CEP112: variants seen among roughly 807,000 people sequenced by gnomAD.
CEP112 encodes the protein centrosomal protein of 112 kDa.
CEP112 carries 127 observed loss-of-function variants against 153.0 expected under a neutral mutation model. The ratio of observed to expected loss-of-function variants is 0.83; its 90% CI spans 0.72 to 0.96. The LOEUF (loss-of-function observed/expected upper bound fraction) is 0.96. CEP112 is among the 40% of genes least tolerant of loss of function. The probability of loss-of-function intolerance (pLI) is 0.00; values close to 1 mark genes in which losing one functional copy is unlikely to be tolerated. For missense variants in CEP112, 1,089 were observed against 1,101.2 expected, an observed-to-expected ratio of 0.99 and a Z score of 0.16; for synonymous variants, 358 against 374.4, an observed-to-expected ratio of 0.96 and a Z score of 0.51.
At chr17:65,682,452 C>T (rs1168561867) in intron 24 of CEP112, among the ~76,000 whole-genome samples, 4 of 152,142 alleles carry the variant, frequency 2.6e-5, no homozygotes, top group Non-Finnish European at 5.9e-5. Context: ...TTCATCTTCC[C>T]TGCTGGACTA....
chr17:65,989,958 A>T (rs2063538297), intron 17 of CEP112, among the ~76,000 whole-genome samples: 1 of 151,948 alleles, frequency 6.6e-6, no homozygotes, highest in African/African-American at 2.4e-5. Flanking sequence ...TCTCTTTAAA[A>T]TAACTTGTTA....
In CEP112 at chr17:66,181,048, A is replaced by G. The variant is rs557844633; in HGVS notation, c.106+2146T>C. 3.9e-5 allele frequency among the ~76,000 whole-genome samples: 6 copies of G among 152,310 alleles called. No homozygotes were observed. The South Asian group carries it at 1.2e-3, about 32-fold the overall frequency. ...ATAAACTTAAGTAAATAGTTTTTCA[A>G]TCTACATACTTTCCACATCCCATAG... is the stretch of plus-strand genomic sequence containing the variant. On this transcript the variant is annotated intron_variant, in intron 2 of 26. Coordinates refer to ENST00000535342, the MANE Select transcript of CEP112 (RefSeq NM_001199165.4).
rs1422629645 is a variant in CEP112, at chr17:66,096,328, T to C, written c.691A>G (p.Met231Val). ...TTTCTCAGGCTGAATTTCGGTGTCA[T>C]CTGCTAAATGAACAGGAGTTATTTA... ...LRQKPIPVSL[M>V]TPKFSLRKSS... The change falls in exon 8 of 27, where the codon ATG (methionine) becomes GTG (valine). Residue 231 changes from methionine to valine, a missense_variant and splice_region_variant. Transcript: ENST00000535342. The C allele has an allele frequency of 6.2e-7, 1 of 1,612,560 alleles. No individual in the cohort carries two copies. The highest frequency in any genetic ancestry group is 8.5e-7 in the Non-Finnish European group (1 of 1,179,024).
intron 18 of CEP112, among the ~76,000 whole-genome samples, chr17:65,958,194 C>T (rs1370927448): frequency 1.3e-5 from 2 of 152,050 alleles, no homozygotes; most frequent in Non-Finnish European, 2.9e-5. Context: ...TGGATTGGTT[C>T]ATGTATTCAT....
intron 24 of CEP112, chr17:65,654,886 C>T (rs779933447): frequency 1.5e-5 from 8 of 524,808 alleles, no homozygotes; most frequent in Non-Finnish European, 2.6e-5. Flanking sequence ...TCACTGGGGT[C>T]GTACCATGGC....
At chr17:65,889,062 C>CA (rs775484772) in intron 20 of CEP112, among the ~76,000 whole-genome samples, 18 of 152,110 alleles carry the variant, frequency 1.2e-4, no homozygotes, top group Non-Finnish European at 2.1e-4. Flanking sequence ...TCTCTGTGGA[C>CA]ATGAAACCTT....
chr17:65,856,135 C>T (rs1033054657), intron 20 of CEP112, among the ~76,000 whole-genome samples: 1 of 152,002 alleles, frequency 6.6e-6, no homozygotes, highest in Non-Finnish European at 1.5e-5. Flanking sequence ...GAAGAAGTTA[C>T]AGACATGAAG....
At chr17:65,923,801 T>C (rs1215215760) in intron 19 of CEP112, among the ~76,000 whole-genome samples, 1 of 152,178 alleles carries the variant, frequency 6.6e-6, no homozygotes, top group Non-Finnish European at 1.5e-5. Flanking sequence ...CATATCTAAC[T>C]TTGAGACACA....
At chr17:66,155,239 G>C (rs1424237603) in intron 4 of CEP112, among the ~76,000 whole-genome samples, 1 of 152,156 alleles carries the variant, frequency 6.6e-6, no homozygotes, top group Non-Finnish European at 1.5e-5. Flanking sequence ...GCCCACAGAG[G>C]GCGAGCCGAA....
chr17:65,797,489 A>T (rs778785094), intron 21 of CEP112, among the ~76,000 whole-genome samples: 4 of 152,094 alleles, frequency 2.6e-5, no homozygotes, highest in Non-Finnish European at 5.9e-5. Context: ...TGTCATACCT[A>T]CCTCACTAGC....
intron 23 of CEP112, among the ~76,000 whole-genome samples, chr17:65,722,143 G>A (rs2049922253): frequency 6.6e-6 from 1 of 152,204 alleles, no homozygotes. Flanking sequence ...GCTAAGAGCT[G>A]CCTAAAAAGA....
At chr17:65,850,217 G>A (rs954786992) in intron 21 of CEP112, among the ~76,000 whole-genome samples, 9 of 148,764 alleles carry the variant, frequency 6.0e-5, no homozygotes, top group African/African-American at 1.0e-4. Context: ...TTTTAGCATC[G>A]AGACATTATT....
At chr17:65,937,601 C>A (rs1440336261) in intron 18 of CEP112, among the ~76,000 whole-genome samples, 21 of 100,236 alleles carry the variant, frequency 2.1e-4, no homozygotes, top group South Asian at 1.2e-3. Context: ...CCAGCCGCCC[C>A]GTCCGGGAGG....
chr17:66,079,070 C>T (rs551042984), intron 8 of CEP112, among the ~76,000 whole-genome samples: 2 of 152,174 alleles, frequency 1.3e-5, no homozygotes, highest in Admixed American at 6.5e-5. Flanking sequence ...TGCAATTTCA[C>T]ACCAGTAAGA....
intron 21 of CEP112, among the ~76,000 whole-genome samples, chr17:65,787,397 C>T (rs2054339398): frequency 6.6e-6 from 1 of 152,156 alleles, no homozygotes; most frequent in African/African-American, 2.4e-5. Context: ...GTGGGAAGAT[C>T]ACTTAAGCCC....
intron 6 of CEP112, among the ~76,000 whole-genome samples, chr17:66,099,190 C>G (rs2068462125): frequency 6.6e-6 from 1 of 152,094 alleles, no homozygotes; most frequent in Non-Finnish European, 1.5e-5. Flanking sequence ...AGAAACAAGA[C>G]AGAATCAAAG....
At chr17:65,861,514 A>T (rs2058308032) in intron 20 of CEP112, among the ~76,000 whole-genome samples, 1 of 152,238 alleles carries the variant, frequency 6.6e-6, no homozygotes, top group African/African-American at 2.4e-5. Flanking sequence ...TAACTTACAA[A>T]AGAATATTAT....
chr17:65,740,147 A>G (rs60940276), intron 23 of CEP112, among the ~76,000 whole-genome samples: 2,095 of 152,290 alleles, frequency 0.014, 54 homozygotes, highest in African/African-American at 0.048. Context: ...GAAAAATATC[A>G]TGTGAACATT....
At position 66,176,974 on chromosome 17, in the gene CEP112, T is replaced by G. The variant is rs550740654; in HGVS notation, c.153A>C (p.Ser51=). ...TCCCCATTATTCCTGCACCTGTTCC[T>G]GAAGGTTCGCACAGCTTTCTAATCC... ...ALWIRKLCEP[S]GTGAGIMGRK... is the part of the protein sequence containing the mutation. The change falls in exon 3 of 27, where the codon TCA becomes TCC. Residue 51 remains serine, a synonymous_variant. Coordinates refer to ENST00000535342, the MANE Select transcript of CEP112 (RefSeq NM_001199165.4). The G allele has an allele frequency of 4.5e-5, 72 of 1,613,736 alleles. 1 individual carries two copies. In the South Asian group the frequency reaches 7.9e-4, roughly 18 times the overall value.
Sources: gnomAD v4.1 joint callset for allele counts (sites outside exome capture counted in the v4.1 genomes callset) on GRCh38, gnomAD v4.1.1 for gene constraint, MANE v1.5 for transcripts, NCBI Gene and HGNC (gene_info 2026-07-23, HGNC 2026-07-21) for gene names.